Variants in CORO1C observed in about 807,000 individuals in gnomAD.
CORO1C encodes the protein coronin-1C.
Under a neutral mutation model 51.2 loss-of-function variants are expected in CORO1C, and 14 were observed. The observed-to-expected ratio is 0.27, with a 90% CI of 0.18 to 0.43. The LOEUF (loss-of-function observed/expected upper bound fraction) is 0.43, where lower values mean the gene tolerates loss of function less well. CORO1C is among the 20% of genes least tolerant of loss of function. The probability of loss-of-function intolerance (pLI) is 1.00; values close to 1 mark genes in which losing one functional copy is unlikely to be tolerated. For missense variants in CORO1C, 417 were observed against 607.8 expected, an observed-to-expected ratio of 0.69 and a Z score of 3.30; for synonymous variants, 181 against 210.5, an observed-to-expected ratio of 0.86 and a Z score of 1.21.
chr12:108,707,946 C>T (rs1038991154), intron 1 of CORO1C, among the ~76,000 whole-genome samples: 3 of 152,112 alleles, frequency 2.0e-5, no homozygotes, highest in African/African-American at 7.2e-5. Flanking sequence ...TCCATACCCA[C>T]TAGGATGGCT....
At chr12:108,708,085 TAAAC>T (rs891230466) in intron 1 of CORO1C, among the ~76,000 whole-genome samples, 10 of 152,138 alleles carry the variant, frequency 6.6e-5, no homozygotes, top group Non-Finnish European at 1.5e-4. Context: ...CTCAAACAAT[TAAAC>T]AAAGCATTAT....
chr12:108,653,708 G>A (rs111427394), intron 7 of CORO1C, among the ~76,000 whole-genome samples: 26 of 152,244 alleles, frequency 1.7e-4, no homozygotes, highest in African/African-American at 6.0e-4. Context: ...CCCTATAACT[G>A]TTATCACCCC....
chr12:108,687,910 T>G (rs2034356262), intron 2 of CORO1C, among the ~76,000 whole-genome samples: 1 of 150,174 alleles, frequency 6.7e-6, no homozygotes, highest in African/African-American at 2.4e-5. Context: ...ATTAACAATG[T>G]ATCCCCTCTG....
At chr12:108,676,771 C>CAAA (rs770920855) in intron 3 of CORO1C, among the ~76,000 whole-genome samples, 1 of 120,684 alleles carries the variant, frequency 8.3e-6, no homozygotes, top group Non-Finnish European at 1.7e-5. Flanking sequence ...GACTCCATCC[C>CAAA]AAAAAAAAAA....
chr12:108,714,297 G>A (rs2035267002), intron 1 of CORO1C, among the ~76,000 whole-genome samples: 1 of 150,876 alleles, frequency 6.6e-6, no homozygotes, highest in Admixed American at 6.7e-5. Flanking sequence ...GCTGAGGCAG[G>A]AGAATTGCTT....
chr12:108,707,028 G>T (rs1388904578), intron 1 of CORO1C, among the ~76,000 whole-genome samples: 1 of 152,134 alleles, frequency 6.6e-6, no homozygotes, highest in African/African-American at 2.4e-5. Flanking sequence ...AAATACTGTT[G>T]AAAGAAATTA....
intron 2 of CORO1C, among the ~76,000 whole-genome samples, chr12:108,680,126 C>A (rs747424130): frequency 6.6e-6 from 1 of 152,172 alleles, no homozygotes; most frequent in Non-Finnish European, 1.5e-5. Context: ...CAGACGTGAA[C>A]AAGGCAGTCC....
In CORO1C at chr12:108,670,346, G is replaced by T. The variant is rs917196307; in HGVS notation, c.318+7926C>A. Among the ~76,000 whole-genome samples the T allele has an allele frequency of 3.3e-5, 5 of 152,218 alleles. No homozygotes were observed. In the East Asian group the frequency reaches 9.6e-4, roughly 29 times the overall value. Reference sequence around the variant, plus strand: ...TTTTGCCTTTTCCAACAGAAGCTGGGCACATGGGTACTGAATTTAAAAGGT... The same window carrying T: ...TTTTGCCTTTTCCAACAGAAGCTGGTCACATGGGTACTGAATTTAAAAGGT... On this transcript the variant is annotated intron_variant, in intron 3 of 10. Coordinates refer to ENST00000261401, the MANE Select transcript of CORO1C (RefSeq NM_014325.4).
intron 1 of CORO1C, among the ~76,000 whole-genome samples, chr12:108,712,913 TA>T (rs142742201): frequency 0.061 from 7,794 of 127,990 alleles, 366 homozygotes; most frequent in African/African-American, 0.15. Flanking sequence ...CATGTCTCTT[TA>T]AAAAAAAAAA....
chr12:108,688,479 C>T (rs897702356), intron 2 of CORO1C, among the ~76,000 whole-genome samples: 1 of 152,180 alleles, frequency 6.6e-6, no homozygotes, highest in Non-Finnish European at 1.5e-5. Context: ...GGGAATTTTG[C>T]TTCCAATATG....
chr12:108,688,020 T>A (rs1206115519), intron 2 of CORO1C, among the ~76,000 whole-genome samples: 1 of 151,186 alleles, frequency 6.6e-6, no homozygotes, highest in Non-Finnish European at 1.5e-5. Context: ...ACCTCCCAGG[T>A]ACAGGCGATT....
intron 1 of CORO1C, among the ~76,000 whole-genome samples, chr12:108,711,407 T>C (rs2035176653): frequency 6.6e-6 from 1 of 151,632 alleles, no homozygotes; most frequent in African/African-American, 2.4e-5. Flanking sequence ...GGGCCGGGCA[T>C]GGTGGCTCAC....
intron 2 of CORO1C, among the ~76,000 whole-genome samples, chr12:108,692,859 G>A (rs1330596564): frequency 7.3e-6 from 1 of 136,782 alleles, no homozygotes; most frequent in African/African-American, 2.8e-5. Flanking sequence ...GTGCAATGGT[G>A]CTATCTCAGC....
intron 3 of CORO1C, among the ~76,000 whole-genome samples, chr12:108,672,657 G>T (rs540605961): frequency 1.2e-3 from 175 of 143,950 alleles, no homozygotes; most frequent in African/African-American, 4.1e-3. Context: ...TTTTTGTTTT[G>T]TTTTTTTTTT....
chr12:108,651,544 C>T (rs775481052), intron 8 of CORO1C, among the ~76,000 whole-genome samples: 8 of 152,232 alleles, frequency 5.3e-5, no homozygotes, highest in Middle Eastern at 3.4e-3. Flanking sequence ...CAGTGGGGCC[C>T]CAAATACAGT....
intron 3 of CORO1C, among the ~76,000 whole-genome samples, chr12:108,665,959 A>G (rs1469429235): frequency 1.3e-5 from 2 of 152,256 alleles, no homozygotes; most frequent in South Asian, 2.1e-4. Context: ...AATGCCTGGC[A>G]TAAGGCAGAC....
chr12:108,699,103 C>G (rs2034783776), intron 2 of CORO1C, among the ~76,000 whole-genome samples: 1 of 152,180 alleles, frequency 6.6e-6, no homozygotes, highest in African/African-American at 2.4e-5. Flanking sequence ...AAAGCAACAC[C>G]TCATCTAAAC....
chr12:108,686,570 GC>G (rs1175078457), intron 2 of CORO1C, among the ~76,000 whole-genome samples: 1 of 152,164 alleles, frequency 6.6e-6, no homozygotes, highest in African/African-American at 2.4e-5. Context: ...AAATGTAATA[GC>G]CATTAGACTC....
intron 4 of CORO1C, among the ~76,000 whole-genome samples, chr12:108,660,365 C>G (rs929230536): frequency 6.8e-6 from 1 of 147,022 alleles, no homozygotes; most frequent in Non-Finnish European, 1.5e-5. Context: ...GCAGGAGAAT[C>G]GCTTGAACTC....
Sources: allele counts gnomAD v4.1 joint callset (sites outside exome capture counted in the v4.1 genomes callset), GRCh38; gene constraint gnomAD v4.1.1; transcripts MANE v1.5; gene names NCBI Gene and HGNC (gene_info 2026-07-23, HGNC 2026-07-21).